The following RSPO2 variants were observed in gnomAD, a reference collection of about 807,000 sequenced individuals.
RSPO2 encodes the protein R-spondin 2.
Under a neutral mutation model 30.9 loss-of-function variants are expected in RSPO2, and 14 were observed. That is an observed-to-expected ratio of 0.45 (90% CI 0.30 to 0.71). RSPO2 has a LOEUF of 0.71. Among genes scored for constraint, RSPO2 ranks in the 30% least tolerant of loss-of-function variants. The pLI, the probability that RSPO2 is intolerant of heterozygous loss-of-function variation, is 0.08. For synonymous variants in RSPO2, 107 were observed against 96.4 expected (o/e 1.11, Z -0.64); for missense variants, 264 against 301.9 (o/e 0.87, Z 0.93).
rs1811417475 is a variant in RSPO2, at chr8:107,900,461, T to G, written c.*614A>C. 6.6e-6 allele frequency: 1 copy of G among 152,600 alleles called. No homozygotes were observed. The highest frequency in any genetic ancestry group is 2.1e-4 in the South Asian group (1 of 4,824). The allele number at this position is 152,600 out of a possible 1,614,324, so 9.5% of individuals were successfully genotyped here. ...AAAGTGGCATCATATTAATCAGGTA[T>G]GACTTGTTACCCACAAGAAAGCATA... On this transcript the variant is annotated 3_prime_UTR_variant, in exon 6 of 6. Transcript: ENST00000276659.
chr8:108,000,739 T>G (rs1004029641), intron 2 of RSPO2, among the ~76,000 whole-genome samples: 2 of 152,086 alleles, frequency 1.3e-5, no homozygotes, highest in East Asian at 2.0e-4. Context: ...CGGTGGCTCA[T>G]GCCTGTAATC....
At chr8:108,062,092 T>C (rs1223152969) in intron 2 of RSPO2, among the ~76,000 whole-genome samples, 5 of 151,764 alleles carry the variant, frequency 3.3e-5, no homozygotes, top group Non-Finnish European at 7.4e-5. Context: ...AGGAAAGATC[T>C]AAAATTGACA....
chr8:108,019,801 G>C (rs1334153288), intron 2 of RSPO2, among the ~76,000 whole-genome samples: 1 of 152,110 alleles, frequency 6.6e-6, no homozygotes, highest in Non-Finnish European at 1.5e-5. Flanking sequence ...GTCCCTTATG[G>C]GGATATGATG....
At chr8:108,002,177 G>A (rs1019959457) in intron 2 of RSPO2, among the ~76,000 whole-genome samples, 1 of 152,176 alleles carries the variant, frequency 6.6e-6, no homozygotes, top group African/African-American at 2.4e-5. Context: ...CTGTGGAAAT[G>A]TTGACAGACT....
intron 3 of RSPO2, among the ~76,000 whole-genome samples, chr8:107,963,786 C>T: frequency 6.6e-6 from 1 of 152,040 alleles, no homozygotes; most frequent in African/African-American, 2.4e-5. Context: ...AAAAGTGCCA[C>T]TTCATTAACA....
chr8:107,933,495 TA>T (rs35489256), intron 5 of RSPO2, among the ~76,000 whole-genome samples: 1 of 152,276 alleles, frequency 6.6e-6, no homozygotes, highest in East Asian at 1.9e-4. Flanking sequence ...TGTGTTTATG[TA>T]AAAAAATGTT....
At chr8:107,949,685 T>TA (rs1813179489) in intron 5 of RSPO2, among the ~76,000 whole-genome samples, 1 of 152,124 alleles carries the variant, frequency 6.6e-6, no homozygotes, top group Non-Finnish European at 1.5e-5. Context: ...GACATGGACT[T>TA]AGAGTATGGA....
At chr8:107,912,763 T>C (rs1297207878) in intron 5 of RSPO2, among the ~76,000 whole-genome samples, 1 of 152,140 alleles carries the variant, frequency 6.6e-6, no homozygotes, top group Non-Finnish European at 1.5e-5. Context: ...ATGAGAAAAG[T>C]ACCTCTCAGT....
At chr8:108,020,127 T>A (rs1811012816) in intron 2 of RSPO2, among the ~76,000 whole-genome samples, 1 of 149,876 alleles carries the variant, frequency 6.7e-6, no homozygotes, top group African/African-American at 2.4e-5. Flanking sequence ...CCAGAAGCCC[T>A]CTCCAGGAGA....
chr8:107,961,853 A>G lies in RSPO2; in HGVS notation c.284-1036T>C, dbSNP rs192608743. On this transcript the variant is annotated intron_variant, in intron 3 of 5. Transcript: ENST00000276659. ...CACATACATTACAATAAGGTATAAA[A>G]AGAAGCAATAATTTATAAGCTTGTA... 1.8e-4 allele frequency among the ~76,000 whole-genome samples: 27 copies of G among 152,346 alleles called. 1 individual carries two copies. The highest frequency in any genetic ancestry group is 1.5e-3 in the Admixed American group (23 of 15,296).
intron 2 of RSPO2, among the ~76,000 whole-genome samples, chr8:108,057,442 A>G (rs1812292143): frequency 6.6e-6 from 1 of 152,116 alleles, no homozygotes; most frequent in Non-Finnish European, 1.5e-5. Context: ...GCTTATATTC[A>G]TTTTTAAAGA....
intron 2 of RSPO2, among the ~76,000 whole-genome samples, chr8:108,019,145 T>G (rs937760567): frequency 6.6e-6 from 1 of 152,166 alleles, no homozygotes; most frequent in African/African-American, 2.4e-5. Context: ...ATTCTTATTT[T>G]TTTAAAAAAA....
chr8:107,936,019 C>T (rs1314002813), intron 5 of RSPO2, among the ~76,000 whole-genome samples: 2 of 152,136 alleles, frequency 1.3e-5, no homozygotes, highest in Admixed American at 6.6e-5. Flanking sequence ...AGCCACCCTA[C>T]TCTGCTATCA....
At chr8:107,983,366 T>C (rs1814516970) in intron 3 of RSPO2, 1 of 1,609,248 alleles carries the variant, frequency 6.2e-7, no homozygotes, top group Admixed American at 1.7e-5. Flanking sequence ...GAAGCAAGAT[T>C]GAAAGCCCAG....
chr8:107,949,896 C>T (rs956930169), intron 5 of RSPO2, among the ~76,000 whole-genome samples: 1 of 152,176 alleles, frequency 6.6e-6, no homozygotes, highest in African/African-American at 2.4e-5. Flanking sequence ...ATCAGTATTA[C>T]TCATGCCACT....
At chr8:107,956,802 T>C (rs1217152143) in intron 5 of RSPO2, among the ~76,000 whole-genome samples, 1 of 152,234 alleles carries the variant, frequency 6.6e-6, no homozygotes, top group East Asian at 1.9e-4. Context: ...AGTTTGTTTT[T>C]AGGGAGAAGG....
At chr8:108,017,019 T>C (rs1810910277) in intron 2 of RSPO2, among the ~76,000 whole-genome samples, 1 of 151,646 alleles carries the variant, frequency 6.6e-6, no homozygotes, top group Admixed American at 6.6e-5. Context: ...TTTTTCTTTT[T>C]TTTTTCTTTT....
intron 5 of RSPO2, among the ~76,000 whole-genome samples, chr8:107,927,156 C>A (rs2130331344): frequency 6.6e-6 from 1 of 152,246 alleles, no homozygotes; most frequent in East Asian, 1.9e-4. Context: ...CTCTTTGAAG[C>A]AATTGTGAAT....
intron 2 of RSPO2, among the ~76,000 whole-genome samples, chr8:108,049,593 C>T (rs185945770): frequency 6.6e-6 from 1 of 152,010 alleles, no homozygotes; most frequent in East Asian, 2.0e-4. Flanking sequence ...GATGTTCCCC[C>T]CTTCCTGTGT....
Sources: gnomAD v4.1 joint callset for allele counts (sites outside exome capture counted in the v4.1 genomes callset) on GRCh38, gnomAD v4.1.1 for gene constraint, MANE v1.5 for transcripts, NCBI Gene and HGNC (gene_info 2026-07-23, HGNC 2026-07-21) for gene names.